Variants in POFUT3 observed in about 807,000 individuals in gnomAD.
POFUT3 encodes the protein protein O-fucosyltransferase 3.
chr8:33,398,072 C>A, the POFUT3 span, among the ~76,000 whole-genome samples: 2 of 152,124 alleles, frequency 1.3e-5, no homozygotes, highest in African/African-American at 4.8e-5. Flanking sequence ...TCTAGACTAA[C>A]AAAAATGCAA....
chr8:33,372,110 C>T, the POFUT3 span: 25 of 975,446 alleles, frequency 2.6e-5, no homozygotes, highest in Middle Eastern at 5.2e-4. Flanking sequence ...TACTCACTTA[C>T]ATCCCTGGAA....
the POFUT3 span, among the ~76,000 whole-genome samples, chr8:33,366,355 T>A: frequency 4.6e-5 from 7 of 152,066 alleles, no homozygotes; most frequent in Non-Finnish European, 2.9e-5. Flanking sequence ...TGTATACCTA[T>A]GTATCAAACC....
chr8:33,388,929 C>G, the POFUT3 span: 1 of 1,552,470 alleles, frequency 6.4e-7, no homozygotes, highest in South Asian at 1.1e-5. Context: ...GATGGCCAGC[C>G]TGCTGGCTCT....
chr8:33,465,295 T>A, the POFUT3 span, among the ~76,000 whole-genome samples: 2 of 152,094 alleles, frequency 1.3e-5, no homozygotes, highest in East Asian at 3.9e-4. Context: ...CAACCTTATT[T>A]ATAACCACTT....
At chr8:33,418,378 G>C in the POFUT3 span, among the ~76,000 whole-genome samples, 1 of 149,044 alleles carries the variant, frequency 6.7e-6, no homozygotes, top group Non-Finnish European at 1.5e-5. Flanking sequence ...AAAAATAACA[G>C]ATGCTGGTGA....
the POFUT3 span, among the ~76,000 whole-genome samples, chr8:33,397,917 C>A: frequency 9.9e-5 from 15 of 152,266 alleles, no homozygotes; most frequent in African/African-American, 3.4e-4. Context: ...GAAGCATAGG[C>A]ATTTCTAAAA....
At chr8:33,333,820 A>G in the POFUT3 span, among the ~76,000 whole-genome samples, 1 of 152,150 alleles carries the variant, frequency 6.6e-6, no homozygotes, top group Non-Finnish European at 1.5e-5. Flanking sequence ...TAGAATGACA[A>G]TCAGACCAGG....
chr8:33,393,192 G>A, the POFUT3 span, among the ~76,000 whole-genome samples: 6 of 152,272 alleles, frequency 3.9e-5, no homozygotes, highest in South Asian at 1.0e-3. Flanking sequence ...ATAGAGGAAT[G>A]AAAATCAATT....
chr8:33,451,704 G>A, the POFUT3 span: 1 of 151,966 alleles, frequency 6.6e-6, no homozygotes, highest in Non-Finnish European at 1.5e-5. Context: ...CTGCTATGAA[G>A]AAATACCCAA....
chr8:33,461,693 G>A, the POFUT3 span: 1 of 1,451,286 alleles, frequency 6.9e-7, no homozygotes, highest in East Asian at 2.7e-5. Flanking sequence ...AGCAGCTGGA[G>A]ATTTCTCCAA....
the POFUT3 span, among the ~76,000 whole-genome samples, chr8:33,315,059 C>G: frequency 6.6e-6 from 1 of 152,188 alleles, no homozygotes; most frequent in Non-Finnish European, 1.5e-5. Flanking sequence ...TGCACATTTA[C>G]TTTTCAAAGC....
the POFUT3 span, among the ~76,000 whole-genome samples, chr8:33,456,962 G>C: frequency 6.6e-6 from 1 of 151,580 alleles, no homozygotes; most frequent in Non-Finnish European, 1.5e-5. Context: ...GTAGAGACGG[G>C]GTTTCACCAT....
chr8:33,438,816 G>A, the POFUT3 span, among the ~76,000 whole-genome samples: 11 of 152,200 alleles, frequency 7.2e-5, no homozygotes, highest in Admixed American at 6.5e-4. Context: ...AGACAAGAGA[G>A]AATGAGAGCC....
the POFUT3 span, chr8:33,372,476 T>A: frequency 6.8e-7 from 1 of 1,467,626 alleles, no homozygotes; most frequent in Non-Finnish European, 9.0e-7. Flanking sequence ...ATTATCCTGA[T>A]GGATAGTCAA....
At chr8:33,388,906 C>T in the POFUT3 span, 1 of 1,320,564 alleles carries the variant, frequency 7.6e-7, no homozygotes, top group South Asian at 1.2e-5. Context: ...TGCAGGAGAG[C>T]AGAGAACATC....
At chr8:33,461,997 T>TA in the POFUT3 span, among the ~76,000 whole-genome samples, 1 of 150,898 alleles carries the variant, frequency 6.6e-6, no homozygotes, top group African/African-American at 2.4e-5. Context: ...CTGTCTCTAC[T>TA]AAAAATACCA....
the POFUT3 span, among the ~76,000 whole-genome samples, chr8:33,322,946 T>C: frequency 6.6e-6 from 1 of 152,108 alleles, no homozygotes; most frequent in Non-Finnish European, 1.5e-5. Context: ...AGTGGAGCTT[T>C]TTTTTTTTCA....
chr8:33,327,372 G>A, the POFUT3 span, among the ~76,000 whole-genome samples: 11 of 152,188 alleles, frequency 7.2e-5, no homozygotes, highest in South Asian at 2.1e-4. Flanking sequence ...CTAAGTATAT[G>A]TCTCCCTGCA....
chr8:33,383,249 G>A, the POFUT3 span, among the ~76,000 whole-genome samples: 1 of 152,128 alleles, frequency 6.6e-6, no homozygotes, highest in East Asian at 1.9e-4. Flanking sequence ...CAGAATCACA[G>A]CACAGATGCC....
Sources: gnomAD v4.1 joint callset for allele counts (sites outside exome capture counted in the v4.1 genomes callset) on GRCh38, gnomAD v4.1.1 for gene constraint, MANE v1.5 for transcripts, NCBI Gene and HGNC (gene_info 2026-07-23, HGNC 2026-07-21) for gene names.